The following NCOR2 variants were observed in gnomAD, a reference collection of about 807,000 sequenced individuals.
The protein encoded by NCOR2 is CTG repeat protein 26.
In NCOR2, 81 loss-of-function variants were observed where a neutral mutation model predicts 262.9. The observed-to-expected ratio is 0.31, with a 90% CI of 0.26 to 0.37. The LOEUF (loss-of-function observed/expected upper bound fraction) is 0.37. Among genes scored for constraint, NCOR2 ranks in the 10% least tolerant of loss-of-function variants. The pLI is 1.00. For synonymous variants in NCOR2, 1,659 were observed against 1,559.3 expected (o/e 1.06, Z -1.51); for missense variants, 3,385 against 3,621.4 (o/e 0.93, Z 1.68).
chr12:124,344,885 G>A lies in NCOR2; in HGVS notation c.4426C>T (p.Leu1476Phe), dbSNP rs1327608180. ...AACGTCCGGCCGGGGCTGCCGATGA[G>A]GGAGCGTACGTCGTGCTTTTTGGAG... The change falls in exon 32 of 47, where the codon CTC (leucine) becomes TTC (phenylalanine). Residue 1476 changes from leucine to phenylalanine, a missense_variant. This residue lies in a region of NCOR2 where 1,615 missense variants were observed against 1,626.9 expected (regional missense o/e 0.99). Transcript: ENST00000405201. 4 of 1,582,556 alleles carry A rather than the reference G, an allele frequency of 2.5e-6. No individual in the cohort carries two copies. In the East Asian group the frequency reaches 9.2e-5, roughly 36 times the overall value.
intron 5 of NCOR2, among the ~76,000 whole-genome samples, chr12:124,459,000 G>A (rs749361685): frequency 6.6e-5 from 10 of 152,200 alleles, no homozygotes; most frequent in Non-Finnish European, 1.2e-4. Context: ...GAATGAATGA[G>A]ACCTGGCCCC....
rs760592150 is a variant in NCOR2 at position 124,483,797 on chromosome 12, G to A, written c.234-24C>T. ...ACCTGCAGGAGGTGAGGCATCCAAC[G>A]TCACATAGGAGATTGCGGCTCTGAG... On this transcript the variant is annotated intron_variant, in intron 2 of 46. Coordinates refer to ENST00000405201, the Ensembl canonical transcript of NCOR2. This position sits in a 1 kb window ranked among gnomAD's most constrained non-coding sequence, Gnocchi z 6.3. The A allele has an allele frequency of 3.2e-5, 50 of 1,570,334 alleles. No homozygotes were observed. The highest frequency in any genetic ancestry group is 2.9e-4 in the African/African-American group (21 of 73,638).
chr12:124,550,624 C>T (rs546399216), intron 1 of NCOR2, among the ~76,000 whole-genome samples: 1 of 152,322 alleles, frequency 6.6e-6, no homozygotes, highest in East Asian at 1.9e-4. Context: ...GCAAGCTTTT[C>T]CTTCCTGATT....
chr12:124,372,722 A>G (rs2039597830), intron 19 of NCOR2, 112 bp from the exon 22 acceptor site: 3 of 968,772 alleles, frequency 3.1e-6, no homozygotes, highest in Non-Finnish European at 4.5e-6. Context: ...ATGCCAAAAC[A>G]GCCCCGAGGC....
At chr12:124,368,465 G>GCCTCTC (rs1258725365) in intron 20 of NCOR2, among the ~76,000 whole-genome samples, 2 of 152,118 alleles carry the variant, frequency 1.3e-5, no homozygotes, top group Non-Finnish European at 2.9e-5. Flanking sequence ...GGCATCCCTT[G>GCCTCTC]CCTCTCCAAG....
chr12:124,429,877 C>T (rs115663022), intron 9 of NCOR2, among the ~76,000 whole-genome samples, 171 bp from the exon 12 acceptor site: 3,989 of 152,330 alleles, frequency 0.026, 174 homozygotes, highest in African/African-American at 0.091. Context: ...GGAGCCCCCA[C>T]CCCAACCCAG....
At chr12:124,334,720 G>A in intron 40 of NCOR2, 103 bp from the exon 43 acceptor site, 1 of 635,098 alleles carries the variant, frequency 1.6e-6, no homozygotes, top group Non-Finnish European at 2.6e-6. Context: ...ATCCTGGGTG[G>A]GGCCAGCTTC....
In NCOR2 at chr12:124,368,526, CCT is replaced by C. The variant is rs2039221189; in HGVS notation, c.2807+3494_2807+3495del. Among the ~76,000 whole-genome samples the C allele has an allele frequency of 2.6e-5, 4 of 152,340 alleles. No individual in the cohort carries two copies. The South Asian group carries it at 6.2e-4, about 24-fold the overall frequency. ...CACTTCCACCCGTGGGGCCTGCCCA[CCT>C]CTCTGACCTCTCCGCCCTCTCTGCC... On this transcript the variant is annotated intron_variant, in intron 20 of 46. Coordinates refer to ENST00000405201, the Ensembl canonical transcript of NCOR2.
intron 13 of NCOR2, among the ~76,000 whole-genome samples, chr12:124,414,279 T>A (rs1276715420): frequency 6.6e-6 from 1 of 152,226 alleles, no homozygotes; most frequent in Non-Finnish European, 1.5e-5. Context: ...TGTGCCTCTG[T>A]CTCATCTGGC....
At chr12:124,542,930 G>C (rs1395251991) in intron 1 of NCOR2, 1 of 152,142 alleles carries the variant, frequency 6.6e-6, no homozygotes, top group Admixed American at 6.5e-5. Flanking sequence ...CCTTCTCCAG[G>C]GACAGCTGAG....
At chr12:124,435,289 C>T (rs1475234564) in intron 8 of NCOR2, among the ~76,000 whole-genome samples, 1 of 152,252 alleles carries the variant, frequency 6.6e-6, no homozygotes. Flanking sequence ...GGGCACCCAG[C>T]AGCCCTGTGT....
chr12:124,461,419 C>T (rs1009874969), intron 5 of NCOR2, among the ~76,000 whole-genome samples: 3 of 152,242 alleles, frequency 2.0e-5, no homozygotes, highest in African/African-American at 4.8e-5. Context: ...CGTTCTCATT[C>T]GAGCAGTGGC....
intron 7 of NCOR2, among the ~76,000 whole-genome samples, chr12:124,441,514 A>G (rs1287850426): frequency 6.6e-6 from 1 of 152,256 alleles, no homozygotes; most frequent in East Asian, 1.9e-4. Context: ...GAAACAGAAA[A>G]TCGTCATTAG....
At chr12:124,524,157 G>A (rs1033778204) in intron 1 of NCOR2, among the ~76,000 whole-genome samples, 3 of 152,180 alleles carry the variant, frequency 2.0e-5, no homozygotes, top group Non-Finnish European at 1.5e-5. Flanking sequence ...GCCAGTTGTG[G>A]CCATGAAGAA....
At chr12:124,493,804 G>A (rs2048225472) in intron 1 of NCOR2, among the ~76,000 whole-genome samples, 1 of 152,204 alleles carries the variant, frequency 6.6e-6, no homozygotes, top group South Asian at 2.1e-4. Flanking sequence ...TCAATAAATA[G>A]AGGCACGGGG....
rs960642533 is a variant in NCOR2, at chr12:124,389,999, C to A, written c.1877-4112G>T. ...ACCTGCTTTTCCCTTTAACTCCCAG[C>A]CCTTCCATCCTGCCCCCTAAAAATC... On this transcript the variant is annotated intron_variant, in intron 16 of 46. Transcript: ENST00000405201. This position sits in a 1 kb window ranked among gnomAD's most constrained non-coding sequence, Gnocchi z 4.4. 6.6e-6 allele frequency among the ~76,000 whole-genome samples: 1 copy of A among 152,140 alleles called. No individual in the cohort carries two copies. The highest frequency in any genetic ancestry group is 1.5e-5 in the Non-Finnish European group (1 of 68,006).
At chr12:124,385,011 G>A (rs1038559601) in intron 17 of NCOR2, among the ~76,000 whole-genome samples, 2 of 152,056 alleles carry the variant, frequency 1.3e-5, no homozygotes, top group East Asian at 3.9e-4. Context: ...ACAATGCTTG[G>A]CAAGTGTGTC....
chr12:124,557,560 G>C (rs972718318), intron 1 of NCOR2, among the ~76,000 whole-genome samples: 1 of 152,172 alleles, frequency 6.6e-6, no homozygotes, highest in Non-Finnish European at 1.5e-5. Context: ...CATCCACAAA[G>C]ACCTTGTTTC....
intron 16 of NCOR2, among the ~76,000 whole-genome samples, chr12:124,394,306 G>A (rs1442008618): frequency 6.6e-6 from 1 of 152,204 alleles, no homozygotes; most frequent in Non-Finnish European, 1.5e-5. Flanking sequence ...AGATGGGCCA[G>A]GCCAAGGTCA....
Sources: allele counts gnomAD v4.1 joint callset (sites outside exome capture counted in the v4.1 genomes callset), GRCh38; gene constraint gnomAD v4.1.1; regional missense constraint gnomAD v4.1.1; non-coding constraint Gnocchi (gnomAD v3.1); transcripts MANE v1.5; gene names NCBI Gene and HGNC (gene_info 2026-07-23, HGNC 2026-07-21).